WRN: variants seen among roughly 807,000 people sequenced by gnomAD.
WRN encodes the protein bifunctional 3'-5' exonuclease/ATP-dependent helicase WRN.
In WRN, 149 loss-of-function variants were observed where a neutral mutation model predicts 180.7. That is an observed-to-expected ratio of 0.82 (90% CI 0.72 to 0.94). The LOEUF is 0.94. Among genes scored for constraint, WRN ranks in the 40% least tolerant of loss-of-function variants. WRN has a pLI of 0.00. For missense variants in WRN, 1,661 were observed against 1,700.1 expected (o/e 0.98, Z 0.40); for synonymous variants, 548 against 568.9 (o/e 0.96, Z 0.52).
chr8:31,089,911 C>T (rs1429229614), intron 13 of WRN, among the ~76,000 whole-genome samples: 12 of 151,868 alleles, frequency 7.9e-5, no homozygotes, highest in Non-Finnish European at 1.0e-4. Flanking sequence ...CAGGGTCAAT[C>T]GAGGACACCA....
At chr8:31,040,820 A>G (rs1811624100) in intron 1 of WRN, among the ~76,000 whole-genome samples, 1 of 152,028 alleles carries the variant, frequency 6.6e-6, no homozygotes, top group Admixed American at 6.5e-5. Flanking sequence ...CCAAAAGTTG[A>G]GTTTTTTTTT....
intron 1 of WRN, among the ~76,000 whole-genome samples, chr8:31,046,971 C>G (rs563369239): frequency 1.1e-4 from 16 of 152,210 alleles, no homozygotes; most frequent in Admixed American, 4.6e-4. Flanking sequence ...TTTGAACTTA[C>G]TATGTAAGAT....
chr8:31,142,378 A>G (rs1802675010), intron 26 of WRN, among the ~76,000 whole-genome samples: 1 of 152,182 alleles, frequency 6.6e-6, no homozygotes, highest in Non-Finnish European at 1.5e-5. Context: ...GGTGTGTAGA[A>G]GTGGAAAGGG....
At chr8:31,143,883 C>T (rs1229028199) in intron 28 of WRN, among the ~76,000 whole-genome samples, 1 of 152,010 alleles carries the variant, frequency 6.6e-6, no homozygotes, top group African/African-American at 2.4e-5. Context: ...TCATTTAATT[C>T]TTACAAGAGT....
At chr8:31,088,139 T>C (rs1200272262) in intron 12 of WRN, among the ~76,000 whole-genome samples, 2 of 152,224 alleles carry the variant, frequency 1.3e-5, no homozygotes, top group African/African-American at 2.4e-5. Flanking sequence ...GATAAAAATA[T>C]CTTTCCCTTT....
At chr8:31,038,973 C>T (rs1811549141) in intron 1 of WRN, among the ~76,000 whole-genome samples, 1 of 152,146 alleles carries the variant, frequency 6.6e-6, no homozygotes, top group Non-Finnish European at 1.5e-5. Flanking sequence ...GTTTTGATTA[C>T]AGTAGCTTTG....
At chr8:31,056,434 C>A (rs1329897096) in intron 1 of WRN, among the ~76,000 whole-genome samples, 1 of 152,102 alleles carries the variant, frequency 6.6e-6, no homozygotes, top group East Asian at 1.9e-4. Flanking sequence ...AAATGCTTTA[C>A]AATTAATAAA....
chr8:31,161,855 A>AAAG (rs1255017216), intron 33 of WRN, among the ~76,000 whole-genome samples: 1 of 151,046 alleles, frequency 6.6e-6, no homozygotes, highest in East Asian at 1.9e-4. Context: ...AAAAAAAAAA[A>AAAG]AGAGATAAAA....
Position 31,166,974 on chromosome 8 carries a change from A to G in WRN, c.3983-48A>G, listed in dbSNP as rs760741910. On this transcript the variant is annotated intron_variant, in intron 33 of 34. Transcript: ENST00000298139. ...ATTTCTAGCTCATAGGTTTTCTAAAATATTCTCTGTAATTTATTTTGAAAT... is the reference window on the plus strand; with the variant it reads ...ATTTCTAGCTCATAGGTTTTCTAAAGTATTCTCTGTAATTTATTTTGAAAT... 3.2e-6 allele frequency: 5 copies of G among 1,546,928 alleles called. No homozygotes were observed. In the East Asian group the frequency reaches 6.8e-5, roughly 21 times the overall value.
chr8:31,058,943 G>A (rs951979189), intron 2 of WRN, among the ~76,000 whole-genome samples: 2 of 152,182 alleles, frequency 1.3e-5, no homozygotes, highest in African/African-American at 4.8e-5. Flanking sequence ...GGGATTAGAG[G>A]TTTGAAAATA....
chr8:31,074,326 G>T (rs1813021170), intron 7 of WRN, among the ~76,000 whole-genome samples: 1 of 152,130 alleles, frequency 6.6e-6, no homozygotes, highest in Admixed American at 6.5e-5. Context: ...TTGAGAGAGT[G>T]AGTGTAGACA....
At chr8:31,162,746 A>G (rs1803682436) in intron 33 of WRN, among the ~76,000 whole-genome samples, 1 of 152,148 alleles carries the variant, frequency 6.6e-6, no homozygotes, top group Non-Finnish European at 1.5e-5. Context: ...CAGCTCCATG[A>G]TAATCTAATG....
At chr8:31,111,938 T>A in intron 19 of WRN, 139 bp downstream of exon 19, 1 of 1,053,218 alleles carries the variant, frequency 9.5e-7, no homozygotes, top group Non-Finnish European at 1.4e-6. Context: ...TTGGTTCAAG[T>A]CAAGCATGAT....
intron 1 of WRN, among the ~76,000 whole-genome samples, chr8:31,054,752 T>C (rs1402288619): frequency 1.3e-5 from 2 of 152,030 alleles, no homozygotes; most frequent in Non-Finnish European, 2.9e-5. Flanking sequence ...ATTAATTTTA[T>C]TTTAAGTTCC....
chr8:31,080,339 C>A (rs954768019), intron 8 of WRN, among the ~76,000 whole-genome samples: 1 of 152,062 alleles, frequency 6.6e-6, no homozygotes, highest in Non-Finnish European at 1.5e-5. Context: ...ATTTCCAATT[C>A]TTTAAGACAG....
intron 27 of WRN, among the ~76,000 whole-genome samples, chr8:31,143,090 C>G (rs1296861075): frequency 6.6e-6 from 1 of 151,276 alleles, no homozygotes; most frequent in Admixed American, 6.6e-5. Context: ...CACACACATG[C>G]ACACACACTT....
chr8:31,161,269 T>A (rs1333130144), intron 33 of WRN, among the ~76,000 whole-genome samples: 1 of 152,142 alleles, frequency 6.6e-6, no homozygotes, highest in African/African-American at 2.4e-5. Flanking sequence ...TATAGAATTG[T>A]GAGAAATATA....
chr8:31,052,628 C>T (rs907388339), intron 1 of WRN, among the ~76,000 whole-genome samples: 10 of 152,284 alleles, frequency 6.6e-5, no homozygotes, highest in East Asian at 1.9e-4. Context: ...CTCAAATCAT[C>T]GGCCTGCCTT....
At position 31,083,716 on chromosome 8, in the gene WRN, T is replaced by G. The variant is rs2130133161; in HGVS notation, c.1287T>G (p.Asp429Glu). ...YKSTEHLSPNDNENDTSYVIE... is the reference protein window; with the variant it reads ...YKSTEHLSPNENENDTSYVIE... Reference sequence around the variant, plus strand: ...TTTTAAAGCATTTATCTCCCAATGATAATGAAAACGATACGTCCTATGTAA... The same window carrying G: ...TTTTAAAGCATTTATCTCCCAATGAGAATGAAAACGATACGTCCTATGTAA... The change falls in exon 10 of 35, where the codon GAT (aspartate) becomes GAG (glutamate). Residue 429 changes from aspartate (D) to glutamate (E), a missense_variant. Physicochemically the swap from Asp to Glu is conservative, Grantham distance 45. This residue lies in a region of WRN where 500 missense variants were observed against 504.1 expected (regional missense o/e 0.99). Coordinates refer to ENST00000298139, the MANE Select transcript of WRN (RefSeq NM_000553.6). 1 of 1,612,042 alleles carries G rather than the reference T, an allele frequency of 6.2e-7. No homozygotes were observed. Among genetic ancestry groups the G allele is most frequent in the Non-Finnish European group, 8.5e-7 (1 of 1,178,536 alleles).
Sources: allele counts gnomAD v4.1 joint callset (sites outside exome capture counted in the v4.1 genomes callset), GRCh38; gene constraint gnomAD v4.1.1; regional missense constraint gnomAD v4.1.1; transcripts MANE v1.5; gene names NCBI Gene and HGNC (gene_info 2026-07-23, HGNC 2026-07-21).